Variants in USO1 observed in about 807,000 individuals in gnomAD.
USO1 encodes the protein general vesicular transport factor p115.
A neutral mutation model predicts 124.5 loss-of-function variants in USO1; 57 were observed. That is an observed-to-expected ratio of 0.46 (90% confidence interval 0.37 to 0.57). The LOEUF is 0.57. Ranked by LOEUF, USO1 falls within the 20% of genes least tolerant of loss-of-function variation. The pLI is 0.00. For missense variants in USO1, 900 were observed against 1,040.6 expected (o/e 0.86, Z 1.86); for synonymous variants, 369 against 362.8 (o/e 1.02, Z -0.19).
chr4:75,771,363 A>G (rs1436955460), intron 7 of USO1, among the ~76,000 whole-genome samples: 1 of 152,186 alleles, frequency 6.6e-6, no homozygotes, highest in African/African-American at 2.4e-5. Context: ...GCCTCCCAAG[A>G]TGCTGGGATT....
At position 75,769,289 on chromosome 4, in the gene USO1, G is replaced by A. The variant is rs560758775; in HGVS notation, c.296-1150G>A. 3.3e-5 allele frequency among the ~76,000 whole-genome samples: 5 copies of A among 152,224 alleles called. No individual in the cohort carries two copies. In the South Asian group the frequency reaches 1.0e-3, roughly 32 times the overall value. On this transcript the variant is annotated intron_variant, in intron 4 of 23. Coordinates refer to ENST00000514213, the MANE Select transcript of USO1 (RefSeq NM_003715.4). ...GTATAAAGCAGTGAATTCTTTTACT[G>A]ATATAAGAGATGATTAAGAGAAATA...
At chr4:75,750,126 T>C (rs1338301980) in intron 1 of USO1, among the ~76,000 whole-genome samples, 1 of 152,180 alleles carries the variant, frequency 6.6e-6, no homozygotes, top group Non-Finnish European at 1.5e-5. Context: ...AGTCTCTTCA[T>C]AGTGTCTTTC....
intron 13 of USO1, among the ~76,000 whole-genome samples, chr4:75,794,538 C>T (rs1722626711): frequency 6.6e-6 from 1 of 152,230 alleles, no homozygotes; most frequent in African/African-American, 2.4e-5. Context: ...GATTTCCCCA[C>T]ATGTACCAGC....
intron 1 of USO1, among the ~76,000 whole-genome samples, chr4:75,739,078 T>C (rs1720880562): frequency 6.6e-6 from 1 of 152,088 alleles, no homozygotes; most frequent in South Asian, 2.1e-4. Flanking sequence ...GGTCTCAAAC[T>C]CCTGACCTCG....
At chr4:75,800,518 CTTTTTT>C in intron 15 of USO1, 49 bp downstream of exon 15, 1 of 1,375,438 alleles carries the variant, frequency 7.3e-7, no homozygotes, top group South Asian at 1.6e-5. Flanking sequence ...GATAATGATG[CTTTTTT>C]TTTTTTTTTG....
chr4:75,772,628 A>G (rs1721964988), intron 7 of USO1, among the ~76,000 whole-genome samples: 3 of 152,156 alleles, frequency 2.0e-5, no homozygotes, highest in East Asian at 1.9e-4. Context: ...AATTTGGGGT[A>G]TCTTTCCTTG....
chr4:75,738,945 C>T (rs1208634944), intron 1 of USO1, among the ~76,000 whole-genome samples: 2 of 152,012 alleles, frequency 1.3e-5, no homozygotes, highest in African/African-American at 4.8e-5. Flanking sequence ...CTCCACTTCC[C>T]GGGTTCAAGC....
intron 4 of USO1, 107 bp from the exon 5 acceptor site, chr4:75,770,332 T>A: frequency 9.3e-7 from 1 of 1,074,364 alleles, no homozygotes; most frequent in Non-Finnish European, 1.3e-6. Flanking sequence ...GTTCCAGTGT[T>A]GAATTGTTTA....
At chr4:75,759,815 A>C (rs1721551727) in intron 4 of USO1, among the ~76,000 whole-genome samples, 1 of 151,974 alleles carries the variant, frequency 6.6e-6, no homozygotes, top group Non-Finnish European at 1.5e-5. Context: ...AGACTGAGGC[A>C]GGAGAATCAC....
chr4:75,812,137 G>A, intron 22 of USO1, 23 bp from the exon 23 acceptor site: 1 of 1,574,782 alleles, frequency 6.4e-7, no homozygotes, highest in Non-Finnish European at 8.6e-7. Flanking sequence ...TTAGATTCCT[G>A]CCTTTCACCT....
Position 75,804,216 on chromosome 4 carries a change from AAGTATCACAGATCC to A in USO1, c.2072_2085del (p.Val691AlafsTer7), listed in dbSNP as rs771463913. 1 of 1,613,750 alleles carries A rather than the reference AAGTATCACAGATCC, an allele frequency of 6.2e-7. No individual in the cohort carries two copies. Among genetic ancestry groups the A allele is most frequent in the Non-Finnish European group, 8.5e-7 (1 of 1,179,766 alleles). ...CAGCTCCAGACGGCAGTCACACAGC[AAGTATCACAGATCC>A]AGCAGCACAAAGACCAGTATAATCT... On this transcript the variant is annotated frameshift_variant, in exon 18 of 24. Transcript: ENST00000514213. LOFTEE classifies it high-confidence loss of function.
intron 18 of USO1, 28 bp from the exon 19 acceptor site, chr4:75,805,112 C>G: frequency 6.6e-7 from 1 of 1,521,680 alleles, no homozygotes; most frequent in Non-Finnish European, 8.8e-7. Context: ...TTCCCGTTGG[C>G]TTTTAAAATG....
intron 3 of USO1, among the ~76,000 whole-genome samples, chr4:75,755,765 T>C (rs1231802438): frequency 6.6e-6 from 1 of 152,164 alleles, no homozygotes; most frequent in East Asian, 1.9e-4. Context: ...TATATCCTAA[T>C]CAACAAAACC....
chr4:75,748,905 C>A (rs192831417), intron 1 of USO1, among the ~76,000 whole-genome samples: 1 of 151,784 alleles, frequency 6.6e-6, no homozygotes, highest in Admixed American at 6.6e-5. Flanking sequence ...TAATGAGGTT[C>A]ATGTTTTTAA....
chr4:75,804,048 A>G (rs1722925184), intron 17 of USO1, 86 bp from the exon 18 acceptor site: 1 of 1,491,564 alleles, frequency 6.7e-7, no homozygotes, highest in African/African-American at 1.4e-5. Context: ...CTGTCCCAAA[A>G]TGACCTCTAA....
chr4:75,765,592 A>C (rs1265484551), intron 4 of USO1, among the ~76,000 whole-genome samples: 1 of 151,924 alleles, frequency 6.6e-6, no homozygotes, highest in African/African-American at 2.4e-5. Context: ...TTTGTAAATA[A>C]AATGGGAAGG....
intron 21 of USO1, among the ~76,000 whole-genome samples, chr4:75,810,056 A>G (rs1249753101): frequency 1.3e-5 from 2 of 152,244 alleles, no homozygotes; most frequent in East Asian, 3.8e-4. Flanking sequence ...GGCTCAATTT[A>G]TCTACCTATC....
chr4:75,748,251 T>G lies in USO1; in HGVS notation c.67-4122T>G, dbSNP rs531439315. Among the ~76,000 whole-genome samples the G allele has an allele frequency of 6.0e-3, 866 of 144,370 alleles. 4 individuals carry two copies. The highest frequency in any genetic ancestry group is 0.011 in the Admixed American group (158 of 13,802). The allele number at this position is 144,370 out of a possible 152,430, so 94.7% of individuals were successfully genotyped here. A position where few individuals can be genotyped will look rare whatever the true frequency, so the allele number is the denominator to read the frequency against. On this transcript the variant is annotated intron_variant, in intron 1 of 23. Coordinates refer to ENST00000514213, the MANE Select transcript of USO1 (RefSeq NM_003715.4). Reference sequence around the variant, plus strand: ...TTTTACAGGCTGGAGTGCAGTGGTGTCACTTTGGCTCACTGCAACCTCCAC... The same window carrying G: ...TTTTACAGGCTGGAGTGCAGTGGTGGCACTTTGGCTCACTGCAACCTCCAC...
chr4:75,793,778 C>G lies in USO1; in HGVS notation c.1329C>G (p.Ala443=), dbSNP rs1426591189. 1 of 1,613,738 alleles carries G rather than the reference C, an allele frequency of 6.2e-7. No individual in the cohort carries two copies. Among genetic ancestry groups the G allele is most frequent in the Non-Finnish European group, 8.5e-7 (1 of 1,179,882 alleles). Residue 443 remains alanine (A), a synonymous_variant, in exon 13 of 24, where the codon GCC becomes GCG. Transcript: ENST00000514213. Reference sequence around the variant, plus strand: ...TTTCAAACTGGTGTGCTGCTGTGGCCCTTGCCCATGCGTTGCAAGAAAATG... The same window carrying G: ...TTTCAAACTGGTGTGCTGCTGTGGCGCTTGCCCATGCGTTGCAAGAAAATG... The part of the protein sequence containing the change: ...DSLSNWCAAV[A]LAHALQENAT...
Sources: gnomAD v4.1 joint callset for allele counts (sites outside exome capture counted in the v4.1 genomes callset) on GRCh38, gnomAD v4.1.1 for gene constraint, MANE v1.5 for transcripts, NCBI Gene and HGNC (gene_info 2026-07-23, HGNC 2026-07-21) for gene names.